PACRG: variants seen among roughly 807,000 people sequenced by gnomAD.
PACRG encodes parkin coregulated gene protein.
PACRG carries 29 observed loss-of-function variants against 29.7 expected under a neutral mutation model. The ratio of observed to expected loss-of-function variants is 0.98; its 90% CI spans 0.73 to 1.33. PACRG has a LOEUF of 1.33. Ranked by LOEUF, PACRG falls within the 40% of genes most tolerant of loss-of-function variation. The pLI, the probability that PACRG is intolerant of heterozygous loss-of-function variation, is 0.00. For missense variants in PACRG, 279 were observed against 316.2 expected (o/e 0.88, Z 0.89); for synonymous variants, 116 against 118.7 (o/e 0.98, Z 0.15).
At chr6:163,076,720 G>A (rs563176391) in intron 3 of PACRG, among the ~76,000 whole-genome samples, 12 of 151,886 alleles carry the variant, frequency 7.9e-5, no homozygotes, top group African/African-American at 1.9e-4. Context: ...CTCATTTTTC[G>A]GAATGCCCAT....
chr6:162,876,191 G>A (rs1793335403), intron 2 of PACRG, among the ~76,000 whole-genome samples: 3 of 152,178 alleles, frequency 2.0e-5, no homozygotes, highest in Admixed American at 2.0e-4. Context: ...ATGACAAGTG[G>A]AACCTCATTG....
intron 4 of PACRG, among the ~76,000 whole-genome samples, chr6:163,272,960 C>T (rs1439775610): frequency 8.0e-6 from 1 of 124,526 alleles, no homozygotes. Context: ...GGCGGGATCT[C>T]GGCTCACTGC....
intron 2 of PACRG, among the ~76,000 whole-genome samples, chr6:162,832,996 C>G (rs1159873668): frequency 1.3e-4 from 19 of 151,918 alleles, no homozygotes; most frequent in Admixed American, 1.2e-3. Flanking sequence ...AAGATTTAAT[C>G]AACATTTGAA....
chr6:163,150,000 C>T (rs917782887), intron 4 of PACRG, among the ~76,000 whole-genome samples: 1 of 152,236 alleles, frequency 6.6e-6, no homozygotes, highest in Non-Finnish European at 1.5e-5. Context: ...CCCTGCGGGA[C>T]TGTCTAGCTG....
At chr6:163,149,376 C>T (rs984113072) in intron 4 of PACRG, among the ~76,000 whole-genome samples, 96 of 152,320 alleles carry the variant, frequency 6.3e-4, no homozygotes, top group African/African-American at 2.2e-3. Flanking sequence ...CAAGTCTCCA[C>T]CCGGTAGATT....
chr6:163,190,000 C>T (rs1473953653), intron 4 of PACRG: 2 of 152,188 alleles, frequency 1.3e-5, no homozygotes, highest in Non-Finnish European at 2.9e-5. Flanking sequence ...AGGAGAAGTA[C>T]ATAATCCAAA....
intron 4 of PACRG, among the ~76,000 whole-genome samples, chr6:163,214,569 CT>C (rs1208950444): frequency 5.9e-5 from 9 of 151,858 alleles, no homozygotes; most frequent in South Asian, 4.2e-4. Context: ...TATATTTAAT[CT>C]TTTTTTAATT....
At chr6:163,276,967 T>G (rs1237063626) in intron 4 of PACRG, among the ~76,000 whole-genome samples, 1 of 152,254 alleles carries the variant, frequency 6.6e-6, no homozygotes, top group Non-Finnish European at 1.5e-5. Context: ...AATAATTTCT[T>G]TAATGAAATA....
At position 163,216,358 on chromosome 6, in the gene PACRG, T is replaced by C. The variant is rs2128157214; in HGVS notation, c.614-98469T>C. ...ACCAAGGAAACCAAGGTGGAGGAAC[T>C]TAGACAAAAACCTGGTGGAGGATGG... On this transcript the variant is annotated intron_variant, in intron 4 of 4. Coordinates refer to ENST00000366888, the MANE Select transcript of PACRG (RefSeq NM_001080379.2). 2.0e-5 allele frequency among the ~76,000 whole-genome samples: 3 copies of C among 152,170 alleles called. 1 individual carries two copies. The East Asian group carries it at 5.8e-4, about 29-fold the overall frequency.
intron 4 of PACRG, among the ~76,000 whole-genome samples, chr6:163,167,650 G>T (rs1178874648): frequency 1.3e-5 from 2 of 152,090 alleles, no homozygotes; most frequent in Non-Finnish European, 2.9e-5. Flanking sequence ...TTTTGATCAT[G>T]ATTAAACAGG....
At chr6:162,864,622 C>G (rs114465349) in intron 2 of PACRG, among the ~76,000 whole-genome samples, 2 of 152,136 alleles carry the variant, frequency 1.3e-5, no homozygotes, top group South Asian at 2.1e-4. Flanking sequence ...CTTGCTTTCA[C>G]GTTTAAATGA....
At chr6:162,780,583 AT>A (rs1161593209) in intron 1 of PACRG, among the ~76,000 whole-genome samples, 1 of 152,206 alleles carries the variant, frequency 6.6e-6, no homozygotes, top group Non-Finnish European at 1.5e-5. Flanking sequence ...AAATCAATAT[AT>A]TGAAACTGAC....
chr6:163,052,327 C>A (rs1368606303), intron 2 of PACRG, among the ~76,000 whole-genome samples: 4 of 152,070 alleles, frequency 2.6e-5, no homozygotes, highest in African/African-American at 7.2e-5. Flanking sequence ...TGAGCAAGAT[C>A]CTTGGTAATT....
chr6:162,882,818 A>G (rs1794009480), intron 2 of PACRG, among the ~76,000 whole-genome samples: 1 of 152,160 alleles, frequency 6.6e-6, no homozygotes, highest in South Asian at 2.1e-4. Context: ...AATTATTTCC[A>G]TTGTGCTCAC....
At chr6:162,924,243 C>A (rs2137877) in intron 2 of PACRG, among the ~76,000 whole-genome samples, 11 of 151,782 alleles carry the variant, frequency 7.2e-5, no homozygotes, top group African/African-American at 2.2e-4. Flanking sequence ...GATTTGCATC[C>A]TGTGCCTTTA....
intron 4 of PACRG, among the ~76,000 whole-genome samples, chr6:163,270,744 G>T (rs1350927363): frequency 1.3e-5 from 2 of 152,004 alleles, no homozygotes; most frequent in Non-Finnish European, 2.9e-5. Flanking sequence ...CAAAGGAAAA[G>T]ATAGATTTGA....
chr6:162,740,074 T>A (rs1780459968), intron 1 of PACRG, among the ~76,000 whole-genome samples: 1 of 152,176 alleles, frequency 6.6e-6, no homozygotes, highest in African/African-American at 2.4e-5. Flanking sequence ...CTCTGTATTA[T>A]GTCCCATTAG....
chr6:163,185,237 T>C (rs1431320621), intron 4 of PACRG, among the ~76,000 whole-genome samples: 1 of 152,006 alleles, frequency 6.6e-6, no homozygotes, highest in Non-Finnish European at 1.5e-5. Flanking sequence ...ATTGTTTTTT[T>C]ACCGATAAAA....
At position 162,844,179 on chromosome 6, in the gene PACRG, G is replaced by A. The variant is rs1189670699; in HGVS notation, c.291+29898G>A. 3.3e-5 allele frequency among the ~76,000 whole-genome samples: 5 copies of A among 150,624 alleles called. 1 individual carries two copies. In the East Asian group the frequency reaches 7.9e-4, roughly 24 times the overall value. ...TACCTAAGCAAGCCTGGGCAATGGC[G>A]GGCGCCCCTCCCCCAGCCTCGCTGC... On this transcript the variant is annotated intron_variant, in intron 2 of 4. Transcript: ENST00000366888.
Sources: allele counts gnomAD v4.1 joint callset (sites outside exome capture counted in the v4.1 genomes callset), GRCh38; gene constraint gnomAD v4.1.1; transcripts MANE v1.5; gene names NCBI Gene and HGNC (gene_info 2026-07-23, HGNC 2026-07-21).